EEF1AKMT3: variants seen among roughly 807,000 people sequenced by gnomAD.
The protein encoded by EEF1AKMT3 is eEF1A-KMT3.
A neutral mutation model predicts 17.8 loss-of-function variants in EEF1AKMT3; 17 were observed. That is an observed-to-expected ratio of 0.96 (90% CI 0.65 to 1.43). EEF1AKMT3 has a LOEUF of 1.43. EEF1AKMT3 is among the 40% of genes most tolerant of loss of function. The pLI, the probability that EEF1AKMT3 is intolerant of heterozygous loss-of-function variation, is 0.00. For synonymous variants in EEF1AKMT3, 116 were observed against 126.5 expected, an observed-to-expected ratio of 0.92 and a Z score of 0.56; for missense variants, 244 against 285.8, an observed-to-expected ratio of 0.85 and a Z score of 1.06.
Position 57,777,431 on chromosome 12 carries a change from C to G in EEF1AKMT3, c.290-2824C>G, listed in dbSNP as rs1055769965. ...CAATTGTTCTAGTTAAGGTCGTGAGCTTCATTTCCAACTCCAGGTTGTTAA... is the reference window on the plus strand; with the variant it reads ...CAATTGTTCTAGTTAAGGTCGTGAGGTTCATTTCCAACTCCAGGTTGTTAA... On this transcript the variant is annotated intron_variant, in intron 2 of 2. Coordinates refer to ENST00000300209, the MANE Select transcript of EEF1AKMT3 (RefSeq NM_015433.3). Among the ~76,000 whole-genome samples the G allele has an allele frequency of 7.2e-5, 11 of 152,162 alleles. No homozygotes were observed. The East Asian group carries it at 2.1e-3, about 29-fold the overall frequency.
At chr12:57,773,171 G>A (rs1955455800) in intron 2 of EEF1AKMT3, 43 bp downstream of exon 2, 2 of 1,586,564 alleles carry the variant, frequency 1.3e-6, no homozygotes, top group Non-Finnish European at 8.7e-7. Context: ...GGGACCCAGG[G>A]GCGCGGAGAA....
Position 57,773,007 on chromosome 12 carries a change from T to A in EEF1AKMT3, c.178-10T>A. 1 of 1,614,156 alleles carries A rather than the reference T, an allele frequency of 6.2e-7. No homozygotes were observed. Among genetic ancestry groups the A allele is most frequent in the Admixed American group, 1.7e-5 (1 of 60,028 alleles). Reference sequence around the variant, plus strand: ...CACGACTGTCTTTTTCTCTGTCTTTTCTCCCGTAGGCCCTGAGCCTGTGCA... The same window carrying A: ...CACGACTGTCTTTTTCTCTGTCTTTACTCCCGTAGGCCCTGAGCCTGTGCA... On this transcript the variant is annotated splice_polypyrimidine_tract_variant and intron_variant, in intron 1 of 2. Coordinates refer to ENST00000300209, the MANE Select transcript of EEF1AKMT3 (RefSeq NM_015433.3).
At chr12:57,776,616 C>T (rs1426923567) in intron 2 of EEF1AKMT3, among the ~76,000 whole-genome samples, 1 of 152,136 alleles carries the variant, frequency 6.6e-6, no homozygotes, top group Non-Finnish European at 1.5e-5. Context: ...TCACCCTCAC[C>T]TGATGACTTT....
At position 57,772,938 on chromosome 12, in the gene EEF1AKMT3, A is replaced by G. The variant is rs756887249; in HGVS notation, c.177+37A>G. ...GCTGCGCCGGGTGAGGGTCCGTGGG[A>G]GGTCCAGATCCCGGACTCCGCCTCT... On this transcript the variant is annotated intron_variant, in intron 1 of 2. Transcript: ENST00000300209. The surrounding 1 kb of genome is among the most constrained non-coding windows in gnomAD (Gnocchi z 4.1). The G allele has an allele frequency of 2.5e-6, 4 of 1,613,066 alleles. No individual in the cohort carries two copies. In the East Asian group the frequency reaches 6.7e-5, roughly 27 times the overall value.
At position 57,780,729 on chromosome 12, in the gene EEF1AKMT3, C is replaced by A; in HGVS notation, c.*83C>A. On this transcript the variant is annotated 3_prime_UTR_variant, in exon 3 of 3. Coordinates refer to ENST00000300209, the MANE Select transcript of EEF1AKMT3 (RefSeq NM_015433.3). ...AAAACCATATTTCCAGAGCCACAAA[C>A]ATGAGGACCAAAAAGGATGGATTTC... is the stretch of plus-strand genomic sequence containing the variant. The A allele has an allele frequency of 6.5e-7, 1 of 1,535,898 alleles. No individual in the cohort carries two copies. Among genetic ancestry groups the A allele is most frequent in the Non-Finnish European group, 8.8e-7 (1 of 1,141,728 alleles).
chr12:57,775,123 A>G lies in EEF1AKMT3; in HGVS notation c.289+1995A>G, dbSNP rs534450567. 8.8e-4 allele frequency among the ~76,000 whole-genome samples: 133 copies of G among 151,046 alleles called. 1 individual carries two copies. The highest frequency in any genetic ancestry group is 1.6e-3 in the Non-Finnish European group (108 of 67,634). ...GCCATCTCAAAAAAAAAAAAAAAAA[A>G]AAAAAAAAAGAAACAGTGGAGGGTG... On this transcript the variant is annotated intron_variant, in intron 2 of 2. Transcript: ENST00000300209.
chr12:57,778,716 T>C (rs1483792970), intron 2 of EEF1AKMT3, among the ~76,000 whole-genome samples: 2 of 152,202 alleles, frequency 1.3e-5, no homozygotes, highest in African/African-American at 4.8e-5. Flanking sequence ...TAGCCATTGC[T>C]ACTGCCCTGG....
chr12:57,776,050 C>T (rs1340912402), intron 2 of EEF1AKMT3, among the ~76,000 whole-genome samples: 2 of 152,176 alleles, frequency 1.3e-5, no homozygotes, highest in African/African-American at 4.8e-5. Flanking sequence ...AGACCTCTGC[C>T]CTTCCACCTA....
chr12:57,780,781 C>T lies in EEF1AKMT3; in HGVS notation c.*135C>T, dbSNP rs1458378745. Reference sequence around the variant, plus strand: ...CTGGCCTCTCTCACTTTCCTCCTTCCCTCTTTGTTACCCCAGATACTCTTG... The same window carrying T: ...CTGGCCTCTCTCACTTTCCTCCTTCTCTCTTTGTTACCCCAGATACTCTTG... On this transcript the variant is annotated 3_prime_UTR_variant, in exon 3 of 3. Coordinates refer to ENST00000300209, the MANE Select transcript of EEF1AKMT3 (RefSeq NM_015433.3). 3.3e-6 allele frequency: 4 copies of T among 1,202,136 alleles called. No homozygotes were observed. In the Admixed American group the frequency reaches 1.1e-4, roughly 32 times the overall value. The allele number at this position is 1,202,136 out of a possible 1,614,324, so 74.5% of individuals were successfully genotyped here.
chr12:57,774,770 G>A (rs757313272), intron 2 of EEF1AKMT3: 1 of 1,604,798 alleles, frequency 6.2e-7, no homozygotes, highest in Non-Finnish European at 8.5e-7. Context: ...TCTGTCAGGT[G>A]AGGAGGAGGT....
chr12:57,779,959 G>A (rs1003558669), intron 2 of EEF1AKMT3, among the ~76,000 whole-genome samples: 7 of 152,188 alleles, frequency 4.6e-5, no homozygotes, highest in African/African-American at 1.4e-4. Context: ...CAGTGGGGGT[G>A]GGTACAGAAC....
intron 2 of EEF1AKMT3, among the ~76,000 whole-genome samples, chr12:57,779,735 C>T (rs981844790): frequency 6.6e-6 from 1 of 152,188 alleles, no homozygotes; most frequent in African/African-American, 2.4e-5. Flanking sequence ...TAATCACTTT[C>T]CCTTTGTCTC....
intron 2 of EEF1AKMT3, 34 bp downstream of exon 2, chr12:57,773,162 G>A: frequency 3.1e-6 from 5 of 1,598,780 alleles, no homozygotes; most frequent in Non-Finnish European, 4.3e-6. Context: ...GAGAGAGTGG[G>A]GACCCAGGGG....
At position 57,781,960 on chromosome 12, in the gene EEF1AKMT3, GTGATCCAAAATTACCTTCCTA is replaced by G. The variant is rs1955519112; in HGVS notation, c.*1316_*1336del. On this transcript the variant is annotated 3_prime_UTR_variant, in exon 3 of 3. Transcript: ENST00000300209. The stretch of plus-strand genomic sequence containing the variant: ...TGCTTGGTACTTAGTCTGTGTCCAT[GTGATCCAAAATTACCTTCCTA>G]TTGCATTTCCTACTCCTTTGCTACG... 1 of 152,158 alleles carries G rather than the reference GTGATCCAAAATTACCTTCCTA, an allele frequency of 6.6e-6. No homozygotes were observed. The highest frequency in any genetic ancestry group is 2.4e-5 in the African/African-American group (1 of 41,424). The allele number at this position is 152,158 out of a possible 1,614,324, so 9.4% of individuals were successfully genotyped here. A position where few individuals can be genotyped will look rare whatever the true frequency, so the allele number is the denominator to read the frequency against.
chr12:57,774,954 C>T (rs924645322), intron 2 of EEF1AKMT3, among the ~76,000 whole-genome samples: 3 of 151,514 alleles, frequency 2.0e-5, no homozygotes, highest in African/African-American at 7.3e-5. Context: ...AAAAATACAA[C>T]ATTAGCCGGG....
intron 2 of EEF1AKMT3, among the ~76,000 whole-genome samples, chr12:57,775,867 C>G (rs1415588538): frequency 6.6e-6 from 1 of 152,088 alleles, no homozygotes; most frequent in African/African-American, 2.4e-5. Flanking sequence ...TTGACACGAC[C>G]CTCTTTCTCA....
chr12:57,780,734 G>A lies in EEF1AKMT3; in HGVS notation c.*88G>A. Reference sequence around the variant, plus strand: ...CATATTTCCAGAGCCACAAACATGAGGACCAAAAAGGATGGATTTCCCTGG... The same window carrying A: ...CATATTTCCAGAGCCACAAACATGAAGACCAAAAAGGATGGATTTCCCTGG... On this transcript the variant is annotated 3_prime_UTR_variant, in exon 3 of 3. Coordinates refer to ENST00000300209, the MANE Select transcript of EEF1AKMT3 (RefSeq NM_015433.3). 7 of 1,516,726 alleles carry A rather than the reference G, an allele frequency of 4.6e-6. No homozygotes were observed. The highest frequency in any genetic ancestry group is 6.2e-6 in the Non-Finnish European group (7 of 1,128,410). The allele number at this position is 1,516,726 out of a possible 1,614,324, so 94.0% of individuals were successfully genotyped here.
chr12:57,780,487 C>A lies in EEF1AKMT3; in HGVS notation c.522C>A (p.Gly174=), dbSNP rs1211905840. The A allele has an allele frequency of 6.2e-7, 1 of 1,614,208 alleles. No individual in the cohort carries two copies. Among genetic ancestry groups the A allele is most frequent in the East Asian group, 2.2e-5 (1 of 44,882 alleles). ...TCCAACACCTGTGCAGGCCCCATGG[C>A]ACCATCTATCTGGCCTCCAAGATGA... The part of the protein sequence containing the change: ...GTLQHLCRPH[G]TIYLASKMRK... The change falls in exon 3 of 3, where the codon GGC becomes GGA. Residue 174 remains glycine, a synonymous_variant. Transcript: ENST00000300209.
chr12:57,772,732 A>C lies in EEF1AKMT3; in HGVS notation c.8A>C (p.Asp3Ala). 1 of 1,612,118 alleles carries C rather than the reference A, an allele frequency of 6.2e-7. No homozygotes were observed. Among genetic ancestry groups the C allele is most frequent in the Non-Finnish European group, 8.5e-7 (1 of 1,179,026 alleles). Reference sequence around the variant, plus strand: ...ACTCCCTTGGCGGGCCGGATGGCGGACCCCGGCCCAGATCCCGAATCTGAG... The same window carrying C: ...ACTCCCTTGGCGGGCCGGATGGCGGCCCCCGGCCCAGATCCCGAATCTGAG... MA[D>A]PGPDPESESE... Residue 3 changes from aspartate to alanine, a missense_variant, in exon 1 of 3, where the codon GAC (aspartate) becomes GCC (alanine). Coordinates refer to ENST00000300209, the MANE Select transcript of EEF1AKMT3 (RefSeq NM_015433.3). The surrounding 1 kb of genome is among the most constrained non-coding windows in gnomAD (Gnocchi z 4.1).
Sources: gnomAD v4.1 joint callset for allele counts (sites outside exome capture counted in the v4.1 genomes callset) on GRCh38, gnomAD v4.1.1 for gene constraint, Gnocchi (gnomAD v3.1) non-coding constraint, MANE v1.5 for transcripts, NCBI Gene and HGNC (gene_info 2026-07-23, HGNC 2026-07-21) for gene names.